The following TANC2 variants were observed in gnomAD, a reference collection of about 807,000 sequenced individuals.
TANC2 encodes tetratricopeptide repeat, ankyrin repeat and coiled-coil containing 2, also known as protein TANC2.
In TANC2, 26 loss-of-function variants were observed where a neutral mutation model predicts 210.5. The observed-to-expected ratio is 0.12, with a 90% CI of 0.09 to 0.17. TANC2 has a LOEUF of 0.17. Among genes scored for constraint, TANC2 ranks in the 10% least tolerant of loss-of-function variants. The pLI is 1.00. For missense variants in TANC2, 2,129 were observed against 2,608.9 expected, an observed-to-expected ratio of 0.82 and a Z score of 4.01; for synonymous variants, 931 against 967.1, an observed-to-expected ratio of 0.96 and a Z score of 0.69.
chr17:63,111,920 T>C (rs2038063285), intron 4 of TANC2, among the ~76,000 whole-genome samples: 2 of 152,078 alleles, frequency 1.3e-5, no homozygotes, highest in Admixed American at 1.3e-4. Flanking sequence ...GAGACGGGGT[T>C]TCACCATGTT....
intron 5 of TANC2, among the ~76,000 whole-genome samples, chr17:63,166,858 T>C (rs1419238243): frequency 6.6e-6 from 1 of 152,146 alleles, no homozygotes; most frequent in African/African-American, 2.4e-5. Flanking sequence ...ACATAGGGTT[T>C]ATGTGTTCCT....
At chr17:63,241,329 G>A (rs1236609338) in intron 8 of TANC2, among the ~76,000 whole-genome samples, 1 of 152,120 alleles carries the variant, frequency 6.6e-6, no homozygotes, top group Non-Finnish European at 1.5e-5. Flanking sequence ...GCTAACAACT[G>A]GCAATATATA....
At chr17:63,279,779 T>TC (rs903814119) in intron 9 of TANC2, among the ~76,000 whole-genome samples, 16 of 151,266 alleles carry the variant, frequency 1.1e-4, no homozygotes, top group Non-Finnish European at 1.5e-4. Flanking sequence ...TCCCAAGGAG[T>TC]CCCCCCCACC....
exon 28 of TANC2, chr17:63,426,059 C>G (rs2049135330): frequency 6.6e-6 from 1 of 152,308 alleles, no homozygotes; most frequent in Admixed American, 6.5e-5. Flanking sequence ...CTGTGCCCAG[C>G]CTCCTCTTGA....
intron 4 of TANC2, among the ~76,000 whole-genome samples, chr17:63,104,229 T>C (rs1305281837): frequency 6.6e-6 from 1 of 152,128 alleles, no homozygotes; most frequent in Non-Finnish European, 1.5e-5. Context: ...AAGCAGAGGC[T>C]CCCTGTGGTC....
chr17:63,422,921 G>A (rs548479601), exon 28 of TANC2: 1 of 152,290 alleles, frequency 6.6e-6, no homozygotes, highest in Non-Finnish European at 1.5e-5. Context: ...AACTCTAACC[G>A]AAGGCTGGCT....
chr17:63,389,820 T>C (rs752510687), intron 17 of TANC2: 9 of 419,930 alleles, frequency 2.1e-5, no homozygotes, highest in African/African-American at 6.0e-5. Context: ...AAATGATCTA[T>C]TGAGCTCAGA....
intron 8 of TANC2, among the ~76,000 whole-genome samples, chr17:63,260,360 A>G (rs1432318266): frequency 6.6e-6 from 1 of 152,244 alleles, no homozygotes; most frequent in African/African-American, 2.4e-5. Context: ...CTTAGCTCTG[A>G]TATAAATGAT....
intron 2 of TANC2, among the ~76,000 whole-genome samples, chr17:63,022,745 A>C (rs1365052844): frequency 6.6e-6 from 1 of 152,132 alleles, no homozygotes; most frequent in Non-Finnish European, 1.5e-5. Flanking sequence ...GAGATGGGCT[A>C]CTACCCAGGA....
chr17:63,340,525 C>T (rs1046412464), intron 12 of TANC2, among the ~76,000 whole-genome samples, 193 bp downstream of exon 12: 4 of 151,796 alleles, frequency 2.6e-5, no homozygotes, highest in African/African-American at 9.7e-5. Context: ...ACTACTCCTT[C>T]CTCTTTTCTT....
intron 2 of TANC2, among the ~76,000 whole-genome samples, chr17:63,064,043 C>T (rs889476032): frequency 6.6e-6 from 1 of 152,062 alleles, no homozygotes; most frequent in Non-Finnish European, 1.5e-5. Flanking sequence ...TGCTGTATAA[C>T]TGTAAAATGA....
rs1371371116 is a variant in TANC2, at chr17:63,241,727, G to A, written c.1033+3650G>A. On this transcript the variant is annotated intron_variant, in intron 8 of 27. Coordinates refer to ENST00000689528, the Ensembl canonical transcript of TANC2. ...CTCGGCTATACAGGTCATATACAGT[G>A]TTAGCTGTGCATAGGGACAGAAACT... Among the ~76,000 whole-genome samples, 4 of 152,298 alleles carry A rather than the reference G, an allele frequency of 2.6e-5. No individual in the cohort carries two copies. The East Asian group carries it at 7.7e-4, about 29-fold the overall frequency.
chr17:63,020,016 T>C (rs1240051534), intron 2 of TANC2, among the ~76,000 whole-genome samples: 1 of 152,238 alleles, frequency 6.6e-6, no homozygotes, highest in Non-Finnish European at 1.5e-5. Flanking sequence ...AACCTCCCCG[T>C]CCCGGGTTCA....
At chr17:63,315,928 G>A (rs2045299953) in intron 10 of TANC2, among the ~76,000 whole-genome samples, 1 of 152,160 alleles carries the variant, frequency 6.6e-6, no homozygotes. Flanking sequence ...TTTCTTCAGA[G>A]GAATATAATG....
chr17:63,274,629 C>T (rs1044594133), intron 9 of TANC2, among the ~76,000 whole-genome samples: 2 of 152,016 alleles, frequency 1.3e-5, no homozygotes, highest in African/African-American at 4.8e-5. Context: ...CCCTGGGCAA[C>T]ATGGTAAAAC....
At chr17:63,110,964 G>C (rs7209974) in intron 4 of TANC2, among the ~76,000 whole-genome samples, 91,071 of 152,044 alleles carry the variant, frequency 0.6, 29,839 homozygotes, top group African/African-American at 0.87. Flanking sequence ...AGTATGTTTT[G>C]TTACCTGTAT....
chr17:63,426,026 CA>C (rs1172283312), exon 28 of TANC2: 3 of 152,282 alleles, frequency 2.0e-5, no homozygotes, highest in African/African-American at 4.8e-5. Flanking sequence ...TAGGCTATCC[CA>C]GGGGGCAAGA....
intron 4 of TANC2, among the ~76,000 whole-genome samples, chr17:63,123,269 A>G (rs1325875571): frequency 6.6e-6 from 1 of 152,058 alleles, no homozygotes; most frequent in Admixed American, 6.6e-5. Context: ...ATAAGAGGGG[A>G]AATGTGGGCC....
intron 5 of TANC2, among the ~76,000 whole-genome samples, chr17:63,173,683 G>A (rs1322228997): frequency 2.6e-5 from 4 of 152,166 alleles, no homozygotes; most frequent in African/African-American, 4.8e-5. Flanking sequence ...CCCTGCTGTA[G>A]CAAGTGCTGA....
Sources: gnomAD v4.1 joint callset for allele counts (sites outside exome capture counted in the v4.1 genomes callset) on GRCh38, gnomAD v4.1.1 for gene constraint, MANE v1.5 for transcripts, NCBI Gene and HGNC (gene_info 2026-07-23, HGNC 2026-07-21) for gene names.